Variants in ZNF142 observed in about 807,000 individuals in gnomAD.
ZNF142 encodes zinc finger protein 142 (clone pHZ-49).
In ZNF142, 96 loss-of-function variants were observed where a neutral mutation model predicts 132.1. The ratio of observed to expected loss-of-function variants is 0.73; its 90% CI spans 0.62 to 0.86. ZNF142 has a LOEUF of 0.86. Ranked by LOEUF, ZNF142 falls within the 40% of genes least tolerant of loss-of-function variation. ZNF142 has a pLI of 0.00. For synonymous variants in ZNF142, 842 were observed against 890.1 expected (o/e 0.95, Z 0.96); for missense variants, 2,163 against 2,336.2 (o/e 0.93, Z 1.53).
rs1278621809 is a variant in ZNF142 at position 218,642,601 on chromosome 2, A to G, written c.4515T>C (p.Ala1505=). Residue 1505 remains alanine (A), a synonymous_variant, in exon 9 of 11, where the codon GCT becomes GCC. Coordinates refer to ENST00000411696, the MANE Select transcript of ZNF142 (RefSeq NM_001379659.1). This position sits in a 1 kb window ranked among gnomAD's most constrained non-coding sequence, Gnocchi z 4.6. The stretch of plus-strand genomic sequence containing the variant: ...GTGCAGGCTCGGGGTGTCGGCGCAG[A>G]GCATGCTGCTTAAGTGCTGTCTCTG... The part of the protein sequence containing the change: ...FSSETALKQH[A]LRRHPEPAQP... The G allele has an allele frequency of 3.1e-6, 5 of 1,608,616 alleles. No homozygotes were observed. Among genetic ancestry groups the G allele is most frequent in the Non-Finnish European group, 3.4e-6 (4 of 1,178,450 alleles).
chr2:218,646,084 GA>G, intron 8 of ZNF142, 86 bp downstream of exon 8: 1 of 1,537,584 alleles, frequency 6.5e-7, no homozygotes, highest in Non-Finnish European at 8.8e-7. Flanking sequence ...ACCGGAGAAA[GA>G]AATAGGGCCA....
chr2:218,643,541 G>A lies in ZNF142; in HGVS notation c.3575C>T (p.Pro1192Leu). ...GTGGTGCTTCTTAGGGGCCTCCGTG[G>A]GTGAGGAGTTTCCTGCAGGAGGGAC... ...DPVPPAGNSS[P>L]TEAPKKHHLD... The change falls in exon 9 of 11, where the codon CCC becomes CTC. Residue 1192 changes from proline (P) to leucine (L), a missense_variant. Pro to Leu is a moderately conservative substitution (Grantham distance 98). Coordinates refer to ENST00000411696, the MANE Select transcript of ZNF142 (RefSeq NM_001379659.1). The A allele has an allele frequency of 6.2e-7, 1 of 1,609,466 alleles. No individual in the cohort carries two copies. The highest frequency in any genetic ancestry group is 8.5e-7 in the Non-Finnish European group (1 of 1,177,060).
rs183064821 is a variant in ZNF142 at position 218,651,383 on chromosome 2, A to G, written c.880+318T>C. Among the ~76,000 whole-genome samples, 200 of 152,370 alleles carry G rather than the reference A, an allele frequency of 1.3e-3. 1 individual carries two copies. Among genetic ancestry groups the G allele is most frequent in the African/African-American group, 4.6e-3 (190 of 41,584 alleles). On this transcript the variant is annotated intron_variant, in intron 5 of 10. Transcript: ENST00000411696. The stretch of plus-strand genomic sequence containing the variant: ...GGCATTCTATCAGTGGCCATAGCCA[A>G]TGATGGTCATTTTCACTTTAGCTCT...
In ZNF142 at chr2:218,652,318, A is replaced by G. The variant is rs1938085034; in HGVS notation, c.281-18T>C. ...CAGGACACCTGCAGGCAGAGGACCG[A>G]CAGAGAAAGGCATAGAATCAGATGG... On this transcript the variant is annotated intron_variant, in intron 4 of 10. Transcript: ENST00000411696. 1 of 456,874 alleles carries G rather than the reference A, an allele frequency of 2.2e-6. No homozygotes were observed. Among genetic ancestry groups the G allele is most frequent in the Non-Finnish European group, 4.4e-6 (1 of 226,970 alleles). The allele number at this position is 456,874 out of a possible 1,614,324, so 28.3% of individuals were successfully genotyped here.
At chr2:218,641,284 T>G (rs979715944) in intron 9 of ZNF142, among the ~76,000 whole-genome samples, 18 of 141,224 alleles carry the variant, frequency 1.3e-4, no homozygotes, top group Admixed American at 8.9e-4. Flanking sequence ...TCTCGCTGTG[T>G]CGCCCAGGCT....
chr2:218,650,631 A>T (rs2106251091), intron 5 of ZNF142, 105 bp from the exon 6 acceptor site: 4 of 1,138,848 alleles, frequency 3.5e-6, no homozygotes, highest in East Asian at 2.6e-5. Context: ...TCCCACTTTT[A>T]GCATAAGGAG....
chr2:218,651,269 A>C (rs1277128783), intron 5 of ZNF142, among the ~76,000 whole-genome samples: 2 of 152,234 alleles, frequency 1.3e-5, no homozygotes, highest in East Asian at 3.8e-4. Context: ...GGCATGTGCC[A>C]CAGTGCCCAG....
Position 218,642,371 on chromosome 2 carries a change from C to G in ZNF142, c.4745G>C (p.Cys1582Ser). Residue 1582 changes from cysteine (C) to serine (S), a missense_variant, in exon 9 of 11, where the codon TGT (cysteine) becomes TCT (serine). Coordinates refer to ENST00000411696, the MANE Select transcript of ZNF142 (RefSeq NM_001379659.1). This position sits in a 1 kb window ranked among gnomAD's most constrained non-coding sequence, Gnocchi z 4.6. ...HRRQQHFSHR[C>S]QLCDFAARER... Reference sequence around the variant, plus strand: ...CCGGGCAGCAAAGTCACAGAGCTGACAGCGGTGGCTGAAATGCTGCTGCCT... The same window carrying G: ...CCGGGCAGCAAAGTCACAGAGCTGAGAGCGGTGGCTGAAATGCTGCTGCCT... The G allele has an allele frequency of 6.2e-7, 1 of 1,613,190 alleles. No individual in the cohort carries two copies. Among genetic ancestry groups the G allele is most frequent in the South Asian group, 1.1e-5 (1 of 91,092 alleles).
chr2:218,654,393 A>G (rs1245159415), intron 4 of ZNF142, among the ~76,000 whole-genome samples: 2 of 148,716 alleles, frequency 1.3e-5, no homozygotes, highest in African/African-American at 5.0e-5. Flanking sequence ...TTGAGACAGA[A>G]TCTCGCTTTG....
At chr2:218,652,596 C>G (rs574331803) in intron 4 of ZNF142, among the ~76,000 whole-genome samples, 12 of 152,172 alleles carry the variant, frequency 7.9e-5, no homozygotes, top group African/African-American at 2.7e-4. Flanking sequence ...ATATTTTGCC[C>G]AAGTGAAAAC....
At chr2:218,652,418 C>CT (rs903594527) in intron 4 of ZNF142, 118 bp from the exon 5 acceptor site, 20 of 406,846 alleles carry the variant, frequency 4.9e-5, no homozygotes, top group African/African-American at 4.1e-4. Context: ...TACAGATGGA[C>CT]TTTAAGTCTG....
chr2:218,653,181 G>A (rs1412107674), intron 4 of ZNF142, among the ~76,000 whole-genome samples: 1 of 151,930 alleles, frequency 6.6e-6, no homozygotes, highest in African/African-American at 2.4e-5. Flanking sequence ...TCAGGAGGCT[G>A]AGGCAGGAGA....
chr2:218,651,631 A>G, intron 5 of ZNF142, 70 bp downstream of exon 5: 2 of 1,201,652 alleles, frequency 1.7e-6, no homozygotes, highest in Non-Finnish European at 2.1e-6. Context: ...CTTGGAAACA[A>G]CTGCCTCTCC....
Position 218,650,378 on chromosome 2 carries a change from T to A in ZNF142, c.1029A>T (p.Gln343His), listed in dbSNP as rs770771969. The part of the protein sequence containing the change: ...KDSQKAVDKG[Q>H]GAQRLEGDVV... ...CATTACCTTCCAGCCGCTGAGCCCC[T>A]TGGCCTTTATCCACAGCCTTTTGGG... The change falls in exon 6 of 11, where the codon CAA becomes CAT. Residue 343 changes from glutamine (Q) to histidine (H), a missense_variant. Physicochemically the swap from Gln to His is conservative, Grantham distance 24. This residue lies in a region of ZNF142 where 749 missense variants were observed against 830.3 expected (regional missense o/e 0.90). Transcript: ENST00000411696. 1 of 1,614,212 alleles carries A rather than the reference T, an allele frequency of 6.2e-7. No homozygotes were observed. The highest frequency in any genetic ancestry group is 8.5e-7 in the Non-Finnish European group (1 of 1,180,042).
chr2:218,640,344 A>G (rs1265147270), intron 10 of ZNF142, among the ~76,000 whole-genome samples: 2 of 152,190 alleles, frequency 1.3e-5, no homozygotes, highest in African/African-American at 4.8e-5. Flanking sequence ...TCTGTGTAAG[A>G]GCCAAGCAAA....
At position 218,651,979 on chromosome 2, in the gene ZNF142, A is replaced by C. The variant is rs775062851; in HGVS notation, c.602T>G (p.Val201Gly). 4.9e-6 allele frequency: 4 copies of C among 811,836 alleles called. No individual in the cohort carries two copies. The African/African-American group carries it at 7.1e-5, about 14-fold the overall frequency. The allele number at this position is 811,836 out of a possible 1,614,324, so 50.3% of individuals were successfully genotyped here. Residue 201 changes from valine (V) to glycine (G), a missense_variant, in exon 5 of 11, where the codon GTG (valine) becomes GGG (glycine). Physicochemically the swap from Val to Gly is moderately radical, Grantham distance 109 (BLOSUM62 -3). This residue lies in a region of ZNF142 where 195 missense variants were observed against 172.4 expected (regional missense o/e 1.13). Transcript: ENST00000411696. ...DTFSCPESGC[V>G]FSAEDRKGLQ... The stretch of plus-strand genomic sequence containing the variant: ...ACCCTTGCGATCTTCAGCAGAGAAC[A>C]CACAGCCAGATTCTGGGCAGGAGAA...
intron 3 of ZNF142, among the ~76,000 whole-genome samples, chr2:218,658,009 C>T (rs756495087): frequency 6.0e-4 from 92 of 152,190 alleles, no homozygotes; most frequent in Non-Finnish European, 3.8e-4. Flanking sequence ...GTATCTTGTA[C>T]AAAACCAGTG....
rs1206052035 is a variant in ZNF142, at chr2:218,643,745, C to A, written c.3371G>T (p.Gly1124Val). The change falls in exon 9 of 11, where the codon GGG becomes GTG. Residue 1124 changes from glycine to valine, a missense_variant. Physicochemically the swap from Gly to Val is moderately radical, Grantham distance 109. Transcript: ENST00000411696. ...GTQASEDTES[G>V]KPPPASQEAE... is the part of the protein sequence containing the mutation. ...TTCTTGTGATGCAGGTGGGGGCTTC[C>A]CACTTTCTGTGTCCTCTGAGGCCTG... is the stretch of plus-strand genomic sequence containing the variant. 5 of 1,609,802 alleles carry A rather than the reference C, an allele frequency of 3.1e-6. No individual in the cohort carries two copies. In the East Asian group the frequency reaches 1.1e-4, roughly 36 times the overall value.
chr2:218,655,221 C>T (rs1265009373), intron 4 of ZNF142, among the ~76,000 whole-genome samples: 1 of 152,040 alleles, frequency 6.6e-6, no homozygotes, highest in African/African-American at 2.4e-5. Context: ...AATGTTTTTC[C>T]TAGGCTTTTT....
Sources: allele counts gnomAD v4.1 joint callset (sites outside exome capture counted in the v4.1 genomes callset), GRCh38; gene constraint gnomAD v4.1.1; regional missense constraint gnomAD v4.1.1; non-coding constraint Gnocchi (gnomAD v3.1); transcripts MANE v1.5; gene names NCBI Gene and HGNC (gene_info 2026-07-23, HGNC 2026-07-21).